Variants in WDR19 observed in about 807,000 individuals in gnomAD.
WDR19 encodes WD repeat domain 19, also known as WD repeat-containing protein 19.
Under a neutral mutation model 180.0 loss-of-function variants are expected in WDR19, and 121 were observed. The observed-to-expected ratio is 0.67, with a 90% CI of 0.58 to 0.78. WDR19 has a LOEUF of 0.78. Among genes scored for constraint, WDR19 ranks in the 30% least tolerant of loss-of-function variants. The pLI, the probability that WDR19 is intolerant of heterozygous loss-of-function variation, is 0.00. For synonymous variants in WDR19, 497 were observed against 540.7 expected (o/e 0.92, Z 1.12); for missense variants, 1,450 against 1,640.7 (o/e 0.88, Z 2.01).
intron 36 of WDR19, among the ~76,000 whole-genome samples, chr4:39,285,054 CAT>C (rs1254586777): frequency 1.8e-4 from 7 of 39,490 alleles, no homozygotes; most frequent in Admixed American, 1.2e-3. Context: ...AACAAGACCC[CAT>C]CATCTCCTAG....
At chr4:39,224,193 A>G (rs537042501) in intron 14 of WDR19, among the ~76,000 whole-genome samples, 1 of 152,152 alleles carries the variant, frequency 6.6e-6, no homozygotes, top group Non-Finnish European at 1.5e-5. Context: ...TTGTCTTAAA[A>G]TTAATTTTCT....
intron 36 of WDR19, among the ~76,000 whole-genome samples, chr4:39,281,816 C>G (rs1736570296): frequency 6.6e-6 from 1 of 152,132 alleles, no homozygotes; most frequent in African/African-American, 2.4e-5. Flanking sequence ...GAGCTGAAAT[C>G]TTATCCGAAG....
chr4:39,187,124 A>G (rs1003084413), intron 3 of WDR19, among the ~76,000 whole-genome samples: 3 of 152,244 alleles, frequency 2.0e-5, no homozygotes, highest in Admixed American at 6.5e-5. Context: ...CTCAGTGGTT[A>G]TTAAGATGTA....
intron 12 of WDR19, 58 bp downstream of exon 12, chr4:39,216,268 G>A: frequency 7.3e-7 from 1 of 1,369,298 alleles, no homozygotes; most frequent in East Asian, 2.6e-5. Context: ...TTCTTATTTG[G>A]GAAGCACTGC....
Position 39,247,667 on chromosome 4 carries a change from G to A in WDR19, c.2729+2215G>A, listed in dbSNP as rs914109362. On this transcript the variant is annotated intron_variant, in intron 24 of 36. Coordinates refer to ENST00000399820, the MANE Select transcript of WDR19 (RefSeq NM_025132.4). The stretch of plus-strand genomic sequence containing the variant: ...ATGCAGAGAAGTCCTTAAAGGACCC[G>A]ATGGAGTGAAAACCATGGCACAAGA... 4.1e-4 allele frequency among the ~76,000 whole-genome samples: 63 copies of A among 152,178 alleles called. 2 individuals carry two copies. The highest frequency in any genetic ancestry group is 4.6e-4 in the Admixed American group (7 of 15,284).
At chr4:39,216,285 C>G in intron 12 of WDR19, 75 bp downstream of exon 12, 1 of 1,174,678 alleles carries the variant, frequency 8.5e-7, no homozygotes, top group Non-Finnish European at 1.2e-6. Context: ...CTGCAAGTTT[C>G]TTTTAGGACC....
At position 39,195,715 on chromosome 4, in the gene WDR19, C is replaced by G. The variant is rs950305271; in HGVS notation, c.406+1056C>G. Among the ~76,000 whole-genome samples, 15 of 152,200 alleles carry G rather than the reference C, an allele frequency of 9.9e-5. 1 individual carries two copies. The highest frequency in any genetic ancestry group is 8.5e-4 in the Admixed American group (13 of 15,278). ...ATCCAGGTGGCCAGGAAAAGTATAA[C>G]TTACTGCTAATAAAGGAATTACACT... is the stretch of plus-strand genomic sequence containing the variant. On this transcript the variant is annotated intron_variant, in intron 5 of 36. Transcript: ENST00000399820.
intron 20 of WDR19, among the ~76,000 whole-genome samples, chr4:39,237,410 A>G (rs184204220): frequency 2.8e-4 from 43 of 152,058 alleles, no homozygotes; most frequent in Non-Finnish European, 4.6e-4. Flanking sequence ...GAAAAAAAAA[A>G]GAAAAGCTAG....
In WDR19 at chr4:39,205,754, A is replaced by AT; in HGVS notation, c.890+23dup. The AT allele has an allele frequency of 6.4e-7, 1 of 1,567,834 alleles. No homozygotes were observed. The highest frequency in any genetic ancestry group is 1.2e-5 in the South Asian group (1 of 84,942). ...GATAACTGGTAAGTTATTTTCACAT[A>AT]TTTTTAGGAAAGCTTATATAGTAAA... On this transcript the variant is annotated intron_variant, in intron 9 of 36. Transcript: ENST00000399820.
rs568770844 is a variant in WDR19 at position 39,208,284 on chromosome 4, T to C, written c.890+2548T>C. 4.0e-4 allele frequency among the ~76,000 whole-genome samples: 60 copies of C among 150,438 alleles called. No homozygotes were observed. The South Asian group carries it at 0.012, about 30-fold the overall frequency. On this transcript the variant is annotated intron_variant, in intron 9 of 36. Coordinates refer to ENST00000399820, the MANE Select transcript of WDR19 (RefSeq NM_025132.4). ...CCATTAAATGTAAGTGAAAAACTTA[T>C]TAGACATAGACTGAGTGGATTTTTT...
At chr4:39,239,159 G>GT (rs1286808618) in intron 20 of WDR19, among the ~76,000 whole-genome samples, 1 of 151,980 alleles carries the variant, frequency 6.6e-6, no homozygotes, top group Non-Finnish European at 1.5e-5. Flanking sequence ...TGTATTTTTA[G>GT]TAGAGAGAGG....
chr4:39,190,745 A>G (rs915119903), intron 4 of WDR19, among the ~76,000 whole-genome samples: 24 of 152,230 alleles, frequency 1.6e-4, no homozygotes, highest in African/African-American at 4.8e-4. Flanking sequence ...GTAGCTGCAG[A>G]AGATACTGTC....
intron 29 of WDR19, 107 bp downstream of exon 29, chr4:39,266,247 C>T: frequency 1.0e-6 from 1 of 979,840 alleles, no homozygotes; most frequent in Non-Finnish European, 1.5e-6. Flanking sequence ...AAAATTTTCT[C>T]TCTGCCAGTA....
intron 15 of WDR19, 41 bp downstream of exon 15, chr4:39,225,074 C>T: frequency 1.4e-6 from 2 of 1,445,246 alleles, no homozygotes; most frequent in Non-Finnish European, 1.8e-6. Flanking sequence ...TTTTGAAATG[C>T]AATATAGGGA....
At chr4:39,271,965 G>T (rs531092107) in intron 31 of WDR19, among the ~76,000 whole-genome samples, 3 of 152,306 alleles carry the variant, frequency 2.0e-5, no homozygotes, top group Non-Finnish European at 4.4e-5. Flanking sequence ...GTAGCCATAC[G>T]TGATTAATGC....
At chr4:39,206,028 A>T (rs572686257) in intron 9 of WDR19, 1 of 209,876 alleles carries the variant, frequency 4.8e-6, no homozygotes, top group South Asian at 1.3e-4. Flanking sequence ...TGGAGCAGAT[A>T]TTTAAGGACT....
At chr4:39,253,376 T>A (rs564895662) in intron 25 of WDR19, 84 bp downstream of exon 25, 1 of 1,393,808 alleles carries the variant, frequency 7.2e-7, no homozygotes, top group East Asian at 2.5e-5. Context: ...AATATATTAA[T>A]TCAAAAGGAA....
intron 20 of WDR19, among the ~76,000 whole-genome samples, chr4:39,237,301 G>A (rs1473232950): frequency 6.6e-6 from 1 of 152,106 alleles, no homozygotes; most frequent in Non-Finnish European, 1.5e-5. Flanking sequence ...ACTCATGCCT[G>A]TAATCTTAGC....
chr4:39,218,050 A>G lies in WDR19; in HGVS notation c.1424A>G (p.Lys475Arg). 1.2e-6 allele frequency: 2 copies of G among 1,613,978 alleles called. No homozygotes were observed. Among genetic ancestry groups the G allele is most frequent in the South Asian group, 2.2e-5 (2 of 91,076 alleles). The part of the protein sequence containing the change: ...ETRLFPAVDD[K>R]CRILCHALTS... ...CGGCTTTTCCCAGCAGTGGATGATA[A>G]GTGCCGTATCTTATGCCATGCCTTA... Residue 475 changes from lysine to arginine, a missense_variant, in exon 14 of 37, where the codon AAG becomes AGG. Coordinates refer to ENST00000399820, the MANE Select transcript of WDR19 (RefSeq NM_025132.4).
Sources: gnomAD v4.1 joint callset for allele counts (sites outside exome capture counted in the v4.1 genomes callset) on GRCh38, gnomAD v4.1.1 for gene constraint, MANE v1.5 for transcripts, NCBI Gene and HGNC (gene_info 2026-07-23, HGNC 2026-07-21) for gene names.